Variants in ZMYND8 observed in about 807,000 individuals in gnomAD.
ZMYND8 encodes zinc finger MYND-type containing 8, also known as MYND-type zinc finger-containing chromatin reader ZMYND8.
Under a neutral mutation model 140.8 loss-of-function variants are expected in ZMYND8, and 37 were observed. The observed-to-expected ratio is 0.26, with a 90% CI of 0.20 to 0.35. The LOEUF (loss-of-function observed/expected upper bound fraction) is 0.35. Ranked by LOEUF, ZMYND8 falls within the 10% of genes least tolerant of loss-of-function variation. The pLI is 1.00. For synonymous variants in ZMYND8, 592 were observed against 597.1 expected (o/e 0.99, Z 0.12); for missense variants, 1,068 against 1,570.0 (o/e 0.68, Z 5.40).
chr20:47,354,153 C>T (rs1252341242), intron 1 of ZMYND8: 1 of 152,090 alleles, frequency 6.6e-6, no homozygotes, highest in African/African-American at 2.4e-5. Flanking sequence ...TGGTAGGGGT[C>T]ACAGTACCAG....
At chr20:47,345,132 G>A (rs1401856986) in intron 2 of ZMYND8, among the ~76,000 whole-genome samples, 1 of 152,118 alleles carries the variant, frequency 6.6e-6, no homozygotes, top group Admixed American at 6.6e-5. Context: ...CCAGGACAGT[G>A]CAGTGAGACG....
intron 2 of ZMYND8, among the ~76,000 whole-genome samples, chr20:47,341,189 A>G (rs540479938): frequency 1.2e-4 from 18 of 152,246 alleles, no homozygotes; most frequent in Admixed American, 2.6e-4. Flanking sequence ...AGATGGATAC[A>G]TGTAAAAATG....
At chr20:47,338,509 G>C (rs1284426624) in intron 2 of ZMYND8, among the ~76,000 whole-genome samples, 1 of 151,982 alleles carries the variant, frequency 6.6e-6, no homozygotes, top group African/African-American at 2.4e-5. Flanking sequence ...AAGAGATAAG[G>C]CTTCATCCCG....
intron 22 of ZMYND8, 47 bp from the exon 23 acceptor site, chr20:47,210,944 TGAGCACAACTATCCTGCAATC>T: frequency 6.3e-7 from 1 of 1,594,982 alleles, no homozygotes; most frequent in Non-Finnish European, 8.6e-7. Flanking sequence ...CACCTGCGCC[TGAGCACAACTATCCTGCAATC>T]TGACCTGCCC....
chr20:47,220,165 G>T, intron 21 of ZMYND8, 93 bp downstream of exon 21: 1 of 1,209,356 alleles, frequency 8.3e-7, no homozygotes, highest in Non-Finnish European at 1.2e-6. Flanking sequence ...GAAACCATTG[G>T]AATAAACCCT....
chr20:47,216,285 G>A (rs553030233), intron 21 of ZMYND8, among the ~76,000 whole-genome samples: 1 of 152,222 alleles, frequency 6.6e-6, no homozygotes, highest in South Asian at 2.1e-4. Flanking sequence ...CTTGAGGTCA[G>A]GAGTTCAAGA....
Position 47,306,663 on chromosome 20 carries a change from C to T in ZMYND8, c.234+3393G>A, listed in dbSNP as rs117685984. ...TCAGCTCACTGCAACCGCTGCCTCC[C>T]GGGTTCAAGAGAGTCTCTTGCCTCA... On this transcript the variant is annotated intron_variant, in intron 3 of 22. Transcript: ENST00000471951. 1.2e-3 allele frequency among the ~76,000 whole-genome samples: 187 copies of T among 151,696 alleles called. 4 individuals carry two copies. In the East Asian group the frequency reaches 0.028, roughly 23 times the overall value.
chr20:47,312,881 C>T (rs1378796344), intron 2 of ZMYND8, among the ~76,000 whole-genome samples: 1 of 152,078 alleles, frequency 6.6e-6, no homozygotes, highest in South Asian at 2.1e-4. Flanking sequence ...GGGTCCTCAC[C>T]CGACTCTCGC....
chr20:47,349,774 A>G, intron 1 of ZMYND8: 1 of 1,501,374 alleles, frequency 6.7e-7, no homozygotes. Context: ...TATTTTGAGT[A>G]ATAGAGAAAA....
intron 19 of ZMYND8, among the ~76,000 whole-genome samples, chr20:47,223,826 CAAA>C (rs750139299): frequency 4.7e-5 from 5 of 106,200 alleles, no homozygotes; most frequent in Non-Finnish European, 6.1e-5. Flanking sequence ...AACTCTGTCT[CAAA>C]AAAAAAAAAA....
chr20:47,253,467 G>A (rs1182216785), intron 12 of ZMYND8, among the ~76,000 whole-genome samples: 11 of 149,694 alleles, frequency 7.3e-5, no homozygotes, highest in African/African-American at 2.7e-4. Context: ...AACCCAGGAG[G>A]AGGAGCCTGC....
Position 47,216,495 on chromosome 20 carries a change from C to CAAAAAAAAA in ZMYND8, c.3484+3754_3484+3762dup, listed in dbSNP as rs10536216. On this transcript the variant is annotated intron_variant, in intron 21 of 22. Coordinates refer to ENST00000471951, the MANE Select transcript of ZMYND8 (RefSeq NM_001281775.3). ...GGACAACAGAGCGAAGACTCTGTCT[C>CAAAAAAAAA]AAAAAAAAAAAAAAAAAAAAAAAGG... is the stretch of plus-strand genomic sequence containing the variant. Among the ~76,000 whole-genome samples, 69 of 59,450 alleles carry CAAAAAAAAA rather than the reference C, an allele frequency of 1.2e-3. 3 individuals carry two copies. The highest frequency in any genetic ancestry group is 3.8e-3 in the African/African-American group (62 of 16,360). The allele number at this position is 59,450 out of a possible 152,430, so 39.0% of individuals were successfully genotyped here. A position where few individuals can be genotyped will look rare whatever the true frequency, so the allele number is the denominator to read the frequency against.
intron 10 of ZMYND8, 43 bp from the exon 11 acceptor site, chr20:47,276,838 A>G (rs774309588): frequency 6.6e-7 from 1 of 1,505,150 alleles, no homozygotes; most frequent in Admixed American, 2.2e-5. Flanking sequence ...CAACTTCAGT[A>G]ATTTCCAAGA....
intron 14 of ZMYND8, among the ~76,000 whole-genome samples, chr20:47,243,059 G>C (rs1331287887): frequency 6.6e-6 from 1 of 152,202 alleles, no homozygotes; most frequent in Non-Finnish European, 1.5e-5. Flanking sequence ...TTACTGATGT[G>C]CCAGTGAAAG....
intron 2 of ZMYND8, among the ~76,000 whole-genome samples, chr20:47,315,859 C>T (rs2079348975): frequency 6.6e-6 from 1 of 152,110 alleles, no homozygotes; most frequent in African/African-American, 2.4e-5. Flanking sequence ...ACCCATCCCC[C>T]AAAAATGAGT....
intron 3 of ZMYND8, among the ~76,000 whole-genome samples, chr20:47,299,850 G>A (rs188746300): frequency 7.6e-4 from 116 of 152,266 alleles, no homozygotes; most frequent in African/African-American, 2.7e-3. Flanking sequence ...CCAAAGTGCT[G>A]GGATTACAGG....
intron 21 of ZMYND8, among the ~76,000 whole-genome samples, chr20:47,217,914 C>A (rs1425148175): frequency 6.6e-6 from 1 of 151,880 alleles, no homozygotes; most frequent in East Asian, 1.9e-4. Flanking sequence ...TTCTTGCCTC[C>A]TCTCCCTTCC....
Position 47,246,337 on chromosome 20 carries a change from A to T in ZMYND8, c.1955T>A (p.Val652Asp). 1 of 1,613,874 alleles carries T rather than the reference A, an allele frequency of 6.2e-7. No individual in the cohort carries two copies. Among genetic ancestry groups the T allele is most frequent in the East Asian group, 2.2e-5 (1 of 44,870 alleles). ...GCQMDKEPSA[V>D]KKKPKPTNPV... ...GTTTGTAGGCTTGGGCTTTTTTTTA[A>T]CAGCAGATGGCTCTTTGTCCATCTG... Residue 652 changes from valine to aspartate, a missense_variant, in exon 14 of 23, where the codon GTT (valine) becomes GAT (aspartate). Transcript: ENST00000471951.
rs186477516 is a variant in ZMYND8 at position 47,334,057 on chromosome 20, G to A, written c.85+13799C>T. On this transcript the variant is annotated intron_variant, in intron 2 of 22. Coordinates refer to ENST00000471951, the MANE Select transcript of ZMYND8 (RefSeq NM_001281775.3). ...CTTAAATGTGCTCAGAACACTTAGA[G>A]TTAGGCAAAATCATCTAATGCGAAG... 9.1e-4 allele frequency among the ~76,000 whole-genome samples: 139 copies of A among 152,346 alleles called. 1 individual carries two copies. Among genetic ancestry groups the A allele is most frequent in the Admixed American group, 5.2e-3 (80 of 15,306 alleles).
Sources: allele counts gnomAD v4.1 joint callset (sites outside exome capture counted in the v4.1 genomes callset), GRCh38; gene constraint gnomAD v4.1.1; transcripts MANE v1.5; gene names NCBI Gene and HGNC (gene_info 2026-07-23, HGNC 2026-07-21).